The following GRIK1 variants were observed in gnomAD, a reference collection of about 807,000 sequenced individuals.
GRIK1 encodes glutamate receptor ionotropic, kainate 1.
A neutral mutation model predicts 105.7 loss-of-function variants in GRIK1; 69 were observed. The observed-to-expected ratio is 0.65, with a 90% CI of 0.54 to 0.80. The LOEUF (loss-of-function observed/expected upper bound fraction) is 0.80. Ranked by LOEUF, GRIK1 falls within the 30% of genes least tolerant of loss-of-function variation. GRIK1 has a pLI of 0.00. For missense variants in GRIK1, 1,109 were observed against 1,167.3 expected (o/e 0.95, Z 0.73); for synonymous variants, 438 against 431.3 (o/e 1.02, Z -0.19).
chr21:29,846,938 C>A (rs1444865230), intron 1 of GRIK1, among the ~76,000 whole-genome samples: 1 of 152,084 alleles, frequency 6.6e-6, no homozygotes, highest in Non-Finnish European at 1.5e-5. Context: ...CATCCTTATT[C>A]AAATACACAT....
chr21:29,878,477 A>G (rs774804403), intron 1 of GRIK1, among the ~76,000 whole-genome samples: 2 of 152,180 alleles, frequency 1.3e-5, no homozygotes, highest in Non-Finnish European at 2.9e-5. Context: ...AGGAGCAGTC[A>G]AAGTAAAATG....
rs769067085 is a variant in GRIK1, at chr21:29,561,767, T to C, written c.2213A>G (p.Glu738Gly). Reference protein sequence around the residue: ...QQTALVRNSDEGIQRVLTTDY... With the variant: ...QQTALVRNSDGGIQRVLTTDY... ...TGTGGTGAGCACTCTCTGGATCCCC[T>C]CATCACTGTTTCTTACCAGGGCGGT... The change falls in exon 15 of 18, where the codon GAG becomes GGG. Residue 738 changes from glutamate (E) to glycine (G), a missense_variant. Physicochemically the swap from Glu to Gly is moderately conservative, Grantham distance 98 (BLOSUM62 -2). This residue lies in a region of GRIK1 where 264 missense variants were observed against 306.9 expected (regional missense o/e 0.86). Transcript: ENST00000327783. 1 of 1,613,790 alleles carries C rather than the reference T, an allele frequency of 6.2e-7. No individual in the cohort carries two copies.
chr21:29,778,174 T>C (rs1022379982), intron 1 of GRIK1, among the ~76,000 whole-genome samples: 5 of 152,182 alleles, frequency 3.3e-5, no homozygotes, highest in Non-Finnish European at 7.3e-5. Context: ...TTGTCCCAGC[T>C]GAAGAAAAGC....
chr21:29,642,343 C>T (rs1382783462), intron 7 of GRIK1, among the ~76,000 whole-genome samples: 1 of 152,186 alleles, frequency 6.6e-6, no homozygotes, highest in Admixed American at 6.5e-5. Context: ...ATAAACTTTT[C>T]CAGTTAGCTG....
intron 7 of GRIK1, among the ~76,000 whole-genome samples, chr21:29,632,877 C>T (rs1241486691): frequency 1.3e-5 from 2 of 152,300 alleles, no homozygotes; most frequent in South Asian, 4.1e-4. Context: ...AGACTGTTCA[C>T]CCAGCCACTG....
intron 1 of GRIK1, among the ~76,000 whole-genome samples, chr21:29,933,998 G>GAATATAAAT (rs975568115): frequency 9.0e-5 from 5 of 55,356 alleles, no homozygotes; most frequent in Non-Finnish European, 2.1e-4. Flanking sequence ...GAAAATTTTA[G>GAATATAAAT]AATATTTCCT....
chr21:29,895,195 G>T (rs554331250), intron 1 of GRIK1, among the ~76,000 whole-genome samples: 1 of 152,226 alleles, frequency 6.6e-6, no homozygotes, highest in East Asian at 1.9e-4. Context: ...TTCAAGTGTG[G>T]TCAACTCAGT....
At chr21:29,681,524 G>A (rs2063376865) in intron 3 of GRIK1, among the ~76,000 whole-genome samples, 2 of 152,152 alleles carry the variant, frequency 1.3e-5, no homozygotes, top group South Asian at 2.1e-4. Flanking sequence ...ACAGAACGTG[G>A]TTCACTTCCT....
intron 7 of GRIK1, among the ~76,000 whole-genome samples, chr21:29,605,554 T>C (rs568148135): frequency 1.4e-4 from 21 of 152,196 alleles, no homozygotes; most frequent in African/African-American, 1.9e-4. Context: ...TATAATAGAA[T>C]GATTTATAAT....
intron 1 of GRIK1, among the ~76,000 whole-genome samples, chr21:29,816,468 A>G (rs1007752620): frequency 1.4e-4 from 21 of 152,226 alleles, no homozygotes; most frequent in African/African-American, 5.1e-4. Flanking sequence ...AGGAAAGGAA[A>G]TCAGCATGTC....
intron 1 of GRIK1, among the ~76,000 whole-genome samples, chr21:29,920,781 T>A (rs1030091839): frequency 2.6e-5 from 4 of 152,030 alleles, no homozygotes; most frequent in Admixed American, 2.0e-4. Context: ...CTGTTTTGTG[T>A]TTCAGATGGA....
intron 1 of GRIK1, among the ~76,000 whole-genome samples, chr21:29,851,140 C>T (rs7282627): frequency 0.32 from 48,718 of 151,590 alleles, 8,515 homozygotes; most frequent in East Asian, 0.46. Context: ...CTGCAACCTC[C>T]GCCTCCCAGG....
intron 1 of GRIK1, among the ~76,000 whole-genome samples, chr21:29,696,774 A>G (rs747979589): frequency 2.6e-5 from 4 of 152,200 alleles, no homozygotes; most frequent in Non-Finnish European, 5.9e-5. Flanking sequence ...TTTAGGGGAA[A>G]AGTCAATCAC....
chr21:29,714,802 A>G (rs1318074197), intron 1 of GRIK1, among the ~76,000 whole-genome samples: 1 of 152,214 alleles, frequency 6.6e-6, no homozygotes, highest in Non-Finnish European at 1.5e-5. Context: ...TTATAAATCA[A>G]TCAATCTCTT....
chr21:29,579,631 C>T lies in GRIK1; in HGVS notation c.1912+1794G>A, dbSNP rs7283254. On this transcript the variant is annotated intron_variant, in intron 13 of 17. Coordinates refer to ENST00000327783, the MANE Select transcript of GRIK1 (RefSeq NM_001330994.2). Reference sequence around the variant, plus strand: ...AACAGAGGATAACTACCTGGTTCAACGCCACGTGCTAGAGACAGATGCACT... The same window carrying T: ...AACAGAGGATAACTACCTGGTTCAATGCCACGTGCTAGAGACAGATGCACT... Among the ~76,000 whole-genome samples the T allele has an allele frequency of 6.8e-3, 1,039 of 152,220 alleles. 18 individuals are homozygous for T. The highest frequency in any genetic ancestry group is 0.024 in the African/African-American group (994 of 41,532).
In GRIK1 at chr21:29,559,039, G is replaced by A. The variant is rs114006080; in HGVS notation, c.2356+2585C>T. ...AGACAGGAATTTTGGTGCCAAAAAG[G>A]GGTGTTGAAATGTGGTGGGGTAGGG... On this transcript the variant is annotated intron_variant, in intron 15 of 17. Transcript: ENST00000327783. Among the ~76,000 whole-genome samples, 1,268 of 152,272 alleles carry A rather than the reference G, an allele frequency of 8.3e-3. 20 individuals carry two copies. The highest frequency in any genetic ancestry group is 0.029 in the African/African-American group (1,210 of 41,554).
At chr21:29,740,389 T>C (rs1403927948) in intron 1 of GRIK1, among the ~76,000 whole-genome samples, 1 of 152,134 alleles carries the variant, frequency 6.6e-6, no homozygotes, top group Non-Finnish European at 1.5e-5. Flanking sequence ...AACTAATTTT[T>C]GTATTTTTAG....
intron 1 of GRIK1, among the ~76,000 whole-genome samples, chr21:29,837,708 T>C (rs959285752): frequency 2.0e-5 from 3 of 152,188 alleles, no homozygotes; most frequent in African/African-American, 7.2e-5. Context: ...TGTTTATAAA[T>C]ATATCAAACT....
intron 1 of GRIK1, among the ~76,000 whole-genome samples, chr21:29,712,043 T>C (rs1010898084): frequency 6.6e-6 from 1 of 150,918 alleles, no homozygotes; most frequent in Non-Finnish European, 1.5e-5. Context: ...TTTATAAATA[T>C]GTGTGTGTGT....
Sources: allele counts gnomAD v4.1 joint callset (sites outside exome capture counted in the v4.1 genomes callset), GRCh38; gene constraint gnomAD v4.1.1; regional missense constraint gnomAD v4.1.1; transcripts MANE v1.5; gene names NCBI Gene and HGNC (gene_info 2026-07-23, HGNC 2026-07-21).